PPP2R2B: variants seen among roughly 807,000 people sequenced by gnomAD.
PPP2R2B encodes protein phosphatase 2 regulatory subunit Bbeta, also known as serine/threonine-protein phosphatase 2A 55 kDa regulatory subunit B beta isoform.
In PPP2R2B, 5 loss-of-function variants were observed where a neutral mutation model predicts 46.0. The observed-to-expected ratio is 0.11, with a 90% confidence interval of 0.06 to 0.23. PPP2R2B has a LOEUF of 0.23. Among genes scored for constraint, PPP2R2B ranks in the 10% least tolerant of loss-of-function variants. The pLI is 1.00. For synonymous variants in PPP2R2B, 215 were observed against 206.7 expected (o/e 1.04, Z -0.34); for missense variants, 367 against 575.0 (o/e 0.64, Z 3.70).
chr5:146,658,522 C>T lies in PPP2R2B; in HGVS notation c.448-7798G>A, dbSNP rs541403957. ...ATACAGCTCAGTGGTACAGAGCAGC[C>T]GTCTTCAATGAGAATACCATTCCCC... On this transcript the variant is annotated intron_variant, in intron 5 of 9. Coordinates refer to ENST00000394411, the MANE Select transcript of PPP2R2B (RefSeq NM_181675.4). 3.0e-4 allele frequency among the ~76,000 whole-genome samples: 45 copies of T among 152,252 alleles called. 1 individual carries two copies. Among genetic ancestry groups the T allele is most frequent in the African/African-American group, 9.4e-4 (39 of 41,530 alleles).
At chr5:146,635,077 A>C (rs1774719831) in intron 7 of PPP2R2B, among the ~76,000 whole-genome samples, 1 of 152,132 alleles carries the variant, frequency 6.6e-6, no homozygotes, top group Non-Finnish European at 1.5e-5. Context: ...TGTGCCTGGC[A>C]GAGGGCTAGG....
intron 1 of PPP2R2B, among the ~76,000 whole-genome samples, chr5:147,016,519 C>A (rs955143179): frequency 4.3e-4 from 4 of 9,370 alleles, no homozygotes; most frequent in Non-Finnish European, 1.1e-3. Flanking sequence ...AAATATCCAC[C>A]TAAGCTTTTC....
At chr5:146,893,517 CAACCTT>C (rs757113613) in intron 1 of PPP2R2B, among the ~76,000 whole-genome samples, 5 of 152,096 alleles carry the variant, frequency 3.3e-5, no homozygotes, top group Non-Finnish European at 7.4e-5. Context: ...GATTCCTAAA[CAACCTT>C]AAAACCTGTC....
intron 2 of PPP2R2B, among the ~76,000 whole-genome samples, chr5:146,705,178 C>T (rs1255529180): frequency 2.0e-5 from 3 of 152,156 alleles, no homozygotes; most frequent in African/African-American, 7.2e-5. Context: ...TTTTATCTTT[C>T]ATCTAAGAAA....
chr5:147,015,371 T>C (rs998025059), intron 1 of PPP2R2B, among the ~76,000 whole-genome samples: 1 of 151,712 alleles, frequency 6.6e-6, no homozygotes, highest in Non-Finnish European at 1.5e-5. Flanking sequence ...ATTTGAATTT[T>C]CTTCATCAAT....
chr5:146,601,936 G>A (rs1000632311), intron 7 of PPP2R2B, among the ~76,000 whole-genome samples: 1 of 152,134 alleles, frequency 6.6e-6, no homozygotes, highest in Non-Finnish European at 1.5e-5. Context: ...TGGCTTCTCA[G>A]TATGTTATTG....
At chr5:146,939,136 A>G (rs1391288899) in intron 1 of PPP2R2B, among the ~76,000 whole-genome samples, 1 of 152,078 alleles carries the variant, frequency 6.6e-6, no homozygotes, top group African/African-American at 2.4e-5. Flanking sequence ...TGTCTCATCA[A>G]TGAGTCTGTC....
At chr5:146,860,498 T>C (rs190187724) in intron 2 of PPP2R2B, among the ~76,000 whole-genome samples, 11 of 152,324 alleles carry the variant, frequency 7.2e-5, no homozygotes, top group Admixed American at 2.6e-4. Context: ...TATTCTCCTA[T>C]GTTTCTCTGA....
In PPP2R2B at chr5:146,589,919, T is replaced by A. The variant is rs1403005523; in HGVS notation, c.*28A>T. On this transcript the variant is annotated 3_prime_UTR_variant, in exon 10 of 10. Transcript: ENST00000394411. ...ACTTGTTTGACTAGTATTCAGTATG[T>A]GAGATTATTAAGTAATAACTTGTCC... The A allele has an allele frequency of 6.3e-7, 1 of 1,596,958 alleles. No individual in the cohort carries two copies.
At chr5:146,757,116 A>G (rs1033172987) in intron 2 of PPP2R2B, among the ~76,000 whole-genome samples, 4 of 152,048 alleles carry the variant, frequency 2.6e-5, no homozygotes, top group Non-Finnish European at 5.9e-5. Context: ...TGAGGGCTTG[A>G]AGGAGGAGAG....
chr5:146,782,308 T>C (rs1755579873), intron 2 of PPP2R2B, among the ~76,000 whole-genome samples: 1 of 152,232 alleles, frequency 6.6e-6, no homozygotes, highest in Non-Finnish European at 1.5e-5. Context: ...CTCCTATAGC[T>C]ATTGAGGATC....
intron 2 of PPP2R2B, among the ~76,000 whole-genome samples, chr5:146,854,250 TTAAA>T (rs778377957): frequency 1.3e-5 from 2 of 152,314 alleles, no homozygotes; most frequent in Admixed American, 6.5e-5. Context: ...TATACTGCTC[TTAAA>T]TAATCATAAT....
intron 1 of PPP2R2B, among the ~76,000 whole-genome samples, chr5:147,018,909 A>C (rs1755132087): frequency 6.6e-6 from 1 of 151,354 alleles, no homozygotes; most frequent in Non-Finnish European, 1.5e-5. Context: ...ATTTTAAAAA[A>C]CTCCCTCTTG....
At chr5:146,975,415 A>T (rs1483744403) in intron 1 of PPP2R2B, among the ~76,000 whole-genome samples, 1 of 152,172 alleles carries the variant, frequency 6.6e-6, no homozygotes, top group African/African-American at 2.4e-5. Context: ...GTCAGTGGAC[A>T]TTTGTGTTGC....
intron 1 of PPP2R2B, among the ~76,000 whole-genome samples, chr5:146,954,152 G>A (rs185480881): frequency 1.2e-3 from 188 of 150,690 alleles, no homozygotes; most frequent in African/African-American, 4.3e-3. Context: ...TTTCAGTTTG[G>A]GGAGCCATCA....
At position 146,827,643 on chromosome 5, in the gene PPP2R2B, T is replaced by C. The variant is rs150343507; in HGVS notation, c.70+50359A>G. Among the ~76,000 whole-genome samples the C allele has an allele frequency of 4.5e-3, 689 of 152,314 alleles. 4 individuals are homozygous for C. Among genetic ancestry groups the C allele is most frequent in the Non-Finnish European group, 8.9e-3 (604 of 68,020 alleles). ...TCTTGCCCTCATAGAATCCACATTC[T>C]AACAAAATGAGAAAATAAAGGAAAT... On this transcript the variant is annotated intron_variant, in intron 2 of 9. Transcript: ENST00000394411.
In PPP2R2B at chr5:146,730,933, C is replaced by G. The variant is rs1406544649; in HGVS notation, c.71-29791G>C. Among the ~76,000 whole-genome samples the G allele has an allele frequency of 2.0e-5, 3 of 152,270 alleles. No homozygotes were observed. The Middle Eastern group carries it at 0.01, about 518-fold the overall frequency. The stretch of plus-strand genomic sequence containing the variant: ...AGGAAATGTAGCCAAAAGATATTCT[C>G]TGCATTCCAAGAAGAAACCGATGAG... On this transcript the variant is annotated intron_variant, in intron 2 of 9. Transcript: ENST00000394411.
At chr5:146,698,317 A>AAAAAAAAATATAT (rs1250416449) in intron 3 of PPP2R2B, among the ~76,000 whole-genome samples, 173 bp from the exon 4 acceptor site, 1 of 85,626 alleles carries the variant, frequency 1.2e-5, no homozygotes, top group African/African-American at 4.9e-5. Flanking sequence ...AAAAAAAAAA[A>AAAAAAAAATATAT]ATATATATAT....
chr5:146,671,213 C>G (rs455619), intron 5 of PPP2R2B, among the ~76,000 whole-genome samples: 1 of 152,152 alleles, frequency 6.6e-6, no homozygotes, highest in Non-Finnish European at 1.5e-5. Context: ...TGATATACAC[C>G]AAGGTAGTAT....
Sources: allele counts gnomAD v4.1 joint callset (sites outside exome capture counted in the v4.1 genomes callset), GRCh38; gene constraint gnomAD v4.1.1; transcripts MANE v1.5; gene names NCBI Gene and HGNC (gene_info 2026-07-23, HGNC 2026-07-21).